The following PLPPR1 variants were observed in gnomAD, a reference collection of about 807,000 sequenced individuals.
PLPPR1 encodes phospholipid phosphatase related 1.
Under a neutral mutation model 33.1 loss-of-function variants are expected in PLPPR1, and 10 were observed. The observed-to-expected ratio is 0.30, with a 90% confidence interval of 0.19 to 0.51. The LOEUF is 0.51. Ranked by LOEUF, PLPPR1 falls within the 20% of genes least tolerant of loss-of-function variation. The pLI is 0.97. For missense variants in PLPPR1, 304 were observed against 408.1 expected (o/e 0.74, Z 2.20); for synonymous variants, 151 against 151.0 (o/e 1.00, Z 0.00).
At chr9:101,270,777 T>C (rs1315697994) in intron 3 of PLPPR1, among the ~76,000 whole-genome samples, 1 of 152,176 alleles carries the variant, frequency 6.6e-6, no homozygotes, top group Non-Finnish European at 1.5e-5. Context: ...TAAAATGATA[T>C]TTGGGGGAGT....
intron 2 of PLPPR1, among the ~76,000 whole-genome samples, chr9:101,263,939 C>T (rs1432136908): frequency 6.6e-6 from 1 of 152,066 alleles, no homozygotes. Flanking sequence ...CCTCCACCTC[C>T]TTGGCTCTTG....
chr9:101,314,378 T>C (rs1829014469), intron 6 of PLPPR1, among the ~76,000 whole-genome samples: 1 of 152,102 alleles, frequency 6.6e-6, no homozygotes, highest in South Asian at 2.1e-4. Flanking sequence ...TTGTAAAAAA[T>C]CTAAGATACA....
chr9:101,063,663 C>T (rs1290090052), intron 1 of PLPPR1, among the ~76,000 whole-genome samples: 1 of 152,044 alleles, frequency 6.6e-6, no homozygotes, highest in Non-Finnish European at 1.5e-5. Flanking sequence ...GGGCCTTTGT[C>T]TATGTTGTTC....
chr9:101,047,440 G>A (rs952585573), intron 1 of PLPPR1, among the ~76,000 whole-genome samples: 11 of 152,278 alleles, frequency 7.2e-5, no homozygotes, highest in East Asian at 3.9e-4. Context: ...ATATCTGAGC[G>A]CTGTGTGAAG....
chr9:101,284,011 C>T (rs750824248), intron 3 of PLPPR1, among the ~76,000 whole-genome samples: 25 of 152,004 alleles, frequency 1.6e-4, no homozygotes, highest in Non-Finnish European at 3.1e-4. Context: ...AAAGGGAACA[C>T]TTGCACATTG....
At chr9:101,301,405 A>C (rs956127625) in intron 4 of PLPPR1, among the ~76,000 whole-genome samples, 16 of 152,232 alleles carry the variant, frequency 1.1e-4, no homozygotes. Context: ...CACAATTGAC[A>C]AAGTGTTTTT....
intron 2 of PLPPR1, among the ~76,000 whole-genome samples, chr9:101,230,039 A>G (rs1827148736): frequency 6.6e-6 from 1 of 152,148 alleles, no homozygotes; most frequent in Admixed American, 6.6e-5. Flanking sequence ...GTCAGAGATC[A>G]TTACAGATGT....
chr9:101,227,557 A>T (rs1474107287), intron 2 of PLPPR1, among the ~76,000 whole-genome samples: 1 of 152,088 alleles, frequency 6.6e-6, no homozygotes, highest in Non-Finnish European at 1.5e-5. Flanking sequence ...AGATTAATAG[A>T]TTGCAAAAAG....
At chr9:101,037,490 C>A (rs1830023106) in intron 1 of PLPPR1, among the ~76,000 whole-genome samples, 1 of 152,096 alleles carries the variant, frequency 6.6e-6, no homozygotes, top group Non-Finnish European at 1.5e-5. Flanking sequence ...TAGCATGGAC[C>A]TCCCCCACCA....
intron 1 of PLPPR1, among the ~76,000 whole-genome samples, chr9:101,148,155 C>G (rs2118644534): frequency 6.6e-6 from 1 of 152,254 alleles, no homozygotes; most frequent in East Asian, 1.9e-4. Flanking sequence ...CTTCCATACT[C>G]TCTCCTCTGG....
At chr9:101,039,877 C>A (rs1830055640) in intron 1 of PLPPR1, among the ~76,000 whole-genome samples, 2 of 144,252 alleles carry the variant, frequency 1.4e-5, no homozygotes, top group African/African-American at 2.6e-5. Flanking sequence ...AATTACAATT[C>A]AAGAAGGGAT....
intron 1 of PLPPR1, among the ~76,000 whole-genome samples, chr9:101,095,438 A>G (rs1042884862): frequency 2.6e-5 from 4 of 152,188 alleles, no homozygotes; most frequent in African/African-American, 9.6e-5. Flanking sequence ...GTTTGCCTGT[A>G]TAAATGGAGC....
At chr9:101,065,750 A>G (rs985511539) in intron 1 of PLPPR1, among the ~76,000 whole-genome samples, 15 of 152,094 alleles carry the variant, frequency 9.9e-5, no homozygotes, top group African/African-American at 3.1e-4. Context: ...TATTTTTACT[A>G]TGAGACTTTA....
At chr9:101,274,558 A>G (rs184166925) in intron 3 of PLPPR1, among the ~76,000 whole-genome samples, 3 of 152,334 alleles carry the variant, frequency 2.0e-5, no homozygotes, top group Non-Finnish European at 2.9e-5. Flanking sequence ...CTAAAAATAC[A>G]TGAGCAGCAG....
rs117640621 is a variant in PLPPR1, at chr9:101,089,325, A to T, written c.-46+60223A>T. ...GATAGATAGATAGATAGATAGATAG[A>T]TAGATAGTAGTTAATTGTTGTTAAC... On this transcript the variant is annotated intron_variant, in intron 1 of 7. Transcript: ENST00000374874. Among the ~76,000 whole-genome samples, 973 of 152,126 alleles carry T rather than the reference A, an allele frequency of 6.4e-3. 53 individuals carry two copies. The East Asian group carries it at 0.14, about 22-fold the overall frequency.
chr9:101,048,426 T>A (rs547170186), intron 1 of PLPPR1, among the ~76,000 whole-genome samples: 2 of 152,324 alleles, frequency 1.3e-5, no homozygotes, highest in South Asian at 4.1e-4. Context: ...CCTAGAGCCC[T>A]TGGGCCTCTC....
chr9:101,243,673 TAGG>T (rs1484786614), intron 2 of PLPPR1, among the ~76,000 whole-genome samples: 1 of 151,888 alleles, frequency 6.6e-6, no homozygotes, highest in African/African-American at 2.4e-5. Context: ...AAGAAATTTC[TAGG>T]AGGAGATGTT....
chr9:101,185,483 A>G lies in PLPPR1; in HGVS notation c.-12A>G, dbSNP rs1345063973. The G allele has an allele frequency of 6.3e-7, 1 of 1,586,156 alleles. No homozygotes were observed. The highest frequency in any genetic ancestry group is 1.7e-5 in the Admixed American group (1 of 59,304). On this transcript the variant is annotated 5_prime_UTR_variant, in exon 2 of 8. In the 5' UTR this introduces an upstream ATG that the reference lacks. Coordinates refer to ENST00000374874, the MANE Select transcript of PLPPR1 (RefSeq NM_207299.2). ...GTTTTTGACGGTGCAGTCTTGCTATATGGTGTGAGAAATGGCTGTAGGAAA... is the reference window on the plus strand; with the variant it reads ...GTTTTTGACGGTGCAGTCTTGCTATGTGGTGTGAGAAATGGCTGTAGGAAA...
At chr9:101,159,361 C>T (rs1378243842) in intron 1 of PLPPR1, among the ~76,000 whole-genome samples, 3 of 152,022 alleles carry the variant, frequency 2.0e-5, no homozygotes, top group African/African-American at 7.3e-5. Context: ...AATATGTTTC[C>T]CTTCTGAATT....
Sources: gnomAD v4.1 joint callset for allele counts (sites outside exome capture counted in the v4.1 genomes callset) on GRCh38, gnomAD v4.1.1 for gene constraint, MANE v1.5 for transcripts, NCBI Gene and HGNC (gene_info 2026-07-23, HGNC 2026-07-21) for gene names.